The following GTF2A1 variants were observed in gnomAD, a reference collection of about 807,000 sequenced individuals.
GTF2A1 encodes transcription initiation factor IIA subunit 1.
In GTF2A1, 12 loss-of-function variants were observed where a neutral mutation model predicts 54.1. The observed-to-expected ratio is 0.22, with a 90% CI of 0.14 to 0.36. The LOEUF (loss-of-function observed/expected upper bound fraction) is 0.36. Ranked by LOEUF, GTF2A1 falls within the 10% of genes least tolerant of loss-of-function variation. GTF2A1 has a pLI of 1.00. For missense variants in GTF2A1, 335 were observed against 442.2 expected (o/e 0.76, Z 2.17); for synonymous variants, 145 against 152.0 (o/e 0.95, Z 0.34).
chr14:81,210,894 G>A (rs991172043), intron 2 of GTF2A1, among the ~76,000 whole-genome samples: 2 of 152,008 alleles, frequency 1.3e-5, no homozygotes, highest in African/African-American at 4.8e-5. Flanking sequence ...AAAACAATCA[G>A]GAATACTAAT....
intron 1 of GTF2A1, among the ~76,000 whole-genome samples, chr14:81,220,112 G>T (rs1157042479): frequency 2.0e-5 from 3 of 151,604 alleles, no homozygotes; most frequent in Admixed American, 6.6e-5. Flanking sequence ...GGGAGCCCTC[G>T]TCAAGCCAGC....
chr14:81,199,659 T>C (rs1893061371), intron 4 of GTF2A1, among the ~76,000 whole-genome samples: 1 of 152,126 alleles, frequency 6.6e-6, no homozygotes, highest in South Asian at 2.1e-4. Flanking sequence ...AAATGTAAAA[T>C]ATACAGAAAT....
chr14:81,202,736 T>C (rs1475515606), intron 3 of GTF2A1: 3 of 518,828 alleles, frequency 5.8e-6, no homozygotes, highest in Admixed American at 3.9e-5. Context: ...GATAACTCCA[T>C]TATCCTAATA....
chr14:81,185,658 GC>G (rs780228019), intron 7 of GTF2A1, 38 bp from the exon 8 acceptor site: 1 of 1,095,198 alleles, frequency 9.1e-7, no homozygotes, highest in Non-Finnish European at 1.4e-6. Context: ...CTATAAGAAG[GC>G]CTTAATATTC....
intron 4 of GTF2A1, among the ~76,000 whole-genome samples, chr14:81,199,492 C>T (rs1277970493): frequency 2.0e-5 from 3 of 152,126 alleles, no homozygotes; most frequent in Admixed American, 2.0e-4. Flanking sequence ...ATTTCTAATG[C>T]AAACAGAGCC....
intron 7 of GTF2A1, among the ~76,000 whole-genome samples, chr14:81,191,167 C>G (rs1892867905): frequency 1.3e-5 from 2 of 152,070 alleles, no homozygotes; most frequent in Non-Finnish European, 1.5e-5. Flanking sequence ...ACCTACCAGA[C>G]CAGCAAAAAT....
intron 4 of GTF2A1, among the ~76,000 whole-genome samples, chr14:81,200,444 G>C (rs916285327): frequency 6.6e-6 from 1 of 152,046 alleles, no homozygotes; most frequent in African/African-American, 2.4e-5. Context: ...GGCCAACATG[G>C]TGAAACCCTG....
chr14:81,191,317 G>T (rs1358544140), intron 7 of GTF2A1, among the ~76,000 whole-genome samples: 3 of 152,070 alleles, frequency 2.0e-5, no homozygotes, highest in Non-Finnish European at 1.5e-5. Context: ...TCAATGTTCG[G>T]TATAAAATTT....
At chr14:81,180,997 C>T (rs1892626825) in intron 8 of GTF2A1, among the ~76,000 whole-genome samples, 1 of 152,278 alleles carries the variant, frequency 6.6e-6, no homozygotes, top group South Asian at 2.1e-4. Context: ...TTCTCAAGAC[C>T]TAACTACCAT....
chr14:81,190,774 T>C (rs888667912), intron 7 of GTF2A1, among the ~76,000 whole-genome samples: 1 of 152,108 alleles, frequency 6.6e-6, no homozygotes, highest in Non-Finnish European at 1.5e-5. Context: ...TTCTAATCAA[T>C]ACTGTTCCCG....
At chr14:81,194,425 G>A (rs957976400) in intron 6 of GTF2A1, among the ~76,000 whole-genome samples, 1 of 152,222 alleles carries the variant, frequency 6.6e-6, no homozygotes, top group African/African-American at 2.4e-5. Context: ...GCAGGGAGTT[G>A]CCAGACGGCA....
Position 81,220,724 on chromosome 14 carries a change from T to G in GTF2A1, c.-206A>C. On this transcript the variant is annotated 5_prime_UTR_variant, in exon 1 of 9. Transcript: ENST00000553612. ...GGCACTCCTCCCGCAGCTGAAAACC[T>G]CGAGAATCGCCTTAAAAAAAAAAAA... is the stretch of plus-strand genomic sequence containing the variant. 1.1e-5 allele frequency: 3 copies of G among 267,612 alleles called. No homozygotes were observed. The highest frequency in any genetic ancestry group is 6.8e-6 in the Non-Finnish European group (1 of 147,824). 16.6% of individuals were successfully genotyped at this position (267,612 alleles called of 1,614,324 possible).
At chr14:81,184,689 T>C (rs1026598363) in intron 8 of GTF2A1, among the ~76,000 whole-genome samples, 8 of 152,184 alleles carry the variant, frequency 5.3e-5, no homozygotes, top group African/African-American at 1.9e-4. Context: ...GGCATGAATT[T>C]TACATGTTCA....
chr14:81,204,938 A>G (rs1190600059), intron 2 of GTF2A1, among the ~76,000 whole-genome samples: 1 of 152,136 alleles, frequency 6.6e-6, no homozygotes, highest in Non-Finnish European at 1.5e-5. Flanking sequence ...AAAAGTCACA[A>G]ACTATTCCCT....
intron 4 of GTF2A1, 108 bp downstream of exon 4, chr14:81,201,486 G>T: frequency 3.3e-6 from 2 of 598,180 alleles, no homozygotes; most frequent in Non-Finnish European, 3.0e-6. Context: ...TGTTTTGCTT[G>T]AGTCTTCAAT....
rs1032459627 is a variant in GTF2A1, at chr14:81,177,055, A to G, written c.*3168T>C. ...TTTTCATTCCTCCATAAAAGCCAGG[A>G]AAAAAAAAATCTGTGACTTTCATTA... On this transcript the variant is annotated 3_prime_UTR_variant, in exon 9 of 9. Coordinates refer to ENST00000553612, the MANE Select transcript of GTF2A1 (RefSeq NM_015859.4). 3 of 149,986 alleles carry G rather than the reference A, an allele frequency of 2.0e-5. No individual in the cohort carries two copies. Among genetic ancestry groups the G allele is most frequent in the African/African-American group, 4.9e-5 (2 of 40,564 alleles). 9.3% of individuals were successfully genotyped at this position (149,986 alleles called of 1,614,324 possible). A position where few individuals can be genotyped will look rare whatever the true frequency, so the allele number is the denominator to read the frequency against.
chr14:81,202,696 CAT>C (rs1566857764), intron 3 of GTF2A1: 3 of 516,992 alleles, frequency 5.8e-6, no homozygotes, highest in African/African-American at 1.9e-5. Flanking sequence ...AAAGGAATTA[CAT>C]GTTTGATTCC....
intron 3 of GTF2A1, among the ~76,000 whole-genome samples, chr14:81,203,511 T>G (rs1049088582): frequency 7.9e-5 from 12 of 152,220 alleles, no homozygotes; most frequent in Non-Finnish European, 1.6e-4. Flanking sequence ...AGCAAATAAC[T>G]ATTGTACCAT....
At chr14:81,209,509 T>C (rs566723918) in intron 2 of GTF2A1, among the ~76,000 whole-genome samples, 15 of 152,326 alleles carry the variant, frequency 9.8e-5, no homozygotes, top group Admixed American at 2.0e-4. Context: ...GGAATACTTA[T>C]TTGCAAAAGA....
Sources: gnomAD v4.1 joint callset for allele counts (sites outside exome capture counted in the v4.1 genomes callset) on GRCh38, gnomAD v4.1.1 for gene constraint, MANE v1.5 for transcripts, NCBI Gene and HGNC (gene_info 2026-07-23, HGNC 2026-07-21) for gene names.